The following PPIP5K2 variants were observed in gnomAD, a reference collection of about 807,000 sequenced individuals.
PPIP5K2 encodes inositol hexakisphosphate and diphosphoinositol-pentakisphosphate kinase 2.
Under a neutral mutation model 154.6 loss-of-function variants are expected in PPIP5K2, and 105 were observed. That is an observed-to-expected ratio of 0.68 (90% CI 0.58 to 0.80). The LOEUF (loss-of-function observed/expected upper bound fraction) is 0.80, where lower values mean the gene tolerates loss of function less well. Among genes scored for constraint, PPIP5K2 ranks in the 30% least tolerant of loss-of-function variants. The pLI, the probability that PPIP5K2 is intolerant of heterozygous loss-of-function variation, is 0.00. For missense variants in PPIP5K2, 992 were observed against 1,504.6 expected, an observed-to-expected ratio of 0.66 and a Z score of 5.64; for synonymous variants, 480 against 490.3, an observed-to-expected ratio of 0.98 and a Z score of 0.28.
intron 5 of PPIP5K2, 75 bp downstream of exon 5, chr5:103,138,544 A>G (rs1791978870): frequency 3.4e-6 from 3 of 882,328 alleles, no homozygotes; most frequent in Non-Finnish European, 1.8e-6. Flanking sequence ...ACAATAATTA[A>G]CTGGAAGGAA....
At position 103,211,482 on chromosome 5, in the gene PPIP5K2, A is replaced by G. The variant is rs1298728938; in HGVS notation, c.*9848A>G. On this transcript the variant is annotated 3_prime_UTR_variant, in exon 31 of 31. Transcript: ENST00000358359. ...TTTATCTGCTCAAAAACTCTCACCT[A>G]CTTACTAGATATAGTGTTTGTAATG... is the stretch of plus-strand genomic sequence containing the variant. 6.6e-6 allele frequency: 1 copy of G among 152,052 alleles called. No homozygotes were observed. The highest frequency in any genetic ancestry group is 1.5e-5 in the Non-Finnish European group (1 of 67,954). 9.4% of individuals were successfully genotyped at this position (152,052 alleles called of 1,614,324 possible).
Position 103,187,447 on chromosome 5 carries a change from A to G in PPIP5K2, c.3352+71A>G, listed in dbSNP as rs189845746. 226 of 1,209,252 alleles carry G rather than the reference A, an allele frequency of 1.9e-4. No homozygotes were observed. The African/African-American group carries it at 2.8e-3, about 15-fold the overall frequency. 74.9% of individuals were successfully genotyped at this position (1,209,252 alleles called of 1,614,324 possible). ...TTTTTTATTTTTATTTTATTTCAAA[A>G]TGTGGGGTATACAGTATCATTCATT... On this transcript the variant is annotated intron_variant, in intron 28 of 30. Coordinates refer to ENST00000358359, the MANE Select transcript of PPIP5K2 (RefSeq NM_001276277.3).
chr5:103,197,528 T>C (rs1293159428), intron 30 of PPIP5K2, among the ~76,000 whole-genome samples: 3 of 151,720 alleles, frequency 2.0e-5, no homozygotes, highest in Non-Finnish European at 4.4e-5. Flanking sequence ...AACCAACTTT[T>C]GGCTCTTTGT....
intron 29 of PPIP5K2, among the ~76,000 whole-genome samples, chr5:103,191,906 C>T (rs1367970234): frequency 6.6e-6 from 1 of 151,996 alleles, no homozygotes; most frequent in African/African-American, 2.4e-5. Flanking sequence ...TATCATTCCT[C>T]TTTTTCTGAG....
Position 103,149,253 on chromosome 5 carries a change from C to T in PPIP5K2, c.846C>T (p.Tyr282=). 6.2e-7 allele frequency: 1 copy of T among 1,613,776 alleles called. No homozygotes were observed. The highest frequency in any genetic ancestry group is 1.1e-5 in the South Asian group (1 of 91,050). ...ACAGTGAAGGAAAAGAAGTAAGATA[C>T]CCTGTTATTCTCAATGCACGAGAGA... ...ERDSEGKEVR[Y]PVILNAREKL... is the part of the protein sequence containing the mutation. Residue 282 remains tyrosine, a synonymous_variant, in exon 8 of 31, where the codon TAC becomes TAT. Transcript: ENST00000358359.
intron 17 of PPIP5K2, among the ~76,000 whole-genome samples, chr5:103,166,219 C>T (rs1797095677): frequency 6.6e-6 from 1 of 151,972 alleles, no homozygotes; most frequent in Non-Finnish European, 1.5e-5. Context: ...TTCTGGAGTG[C>T]TAAAAAGCAA....
intron 24 of PPIP5K2, among the ~76,000 whole-genome samples, chr5:103,180,945 G>A (rs184314778): frequency 4.5e-4 from 68 of 151,374 alleles, no homozygotes; most frequent in South Asian, 3.5e-3. Flanking sequence ...ATTCTAAATT[G>A]TTAGCCTAAT....
In PPIP5K2 at chr5:103,158,219, G is replaced by T; in HGVS notation, c.1521G>T (p.Leu507Phe). Residue 507 changes from leucine to phenylalanine, a missense_variant, in exon 15 of 31, where the codon TTG becomes TTT. By Grantham distance (22) the Leu-to-Phe change is conservative. Coordinates refer to ENST00000358359, the MANE Select transcript of PPIP5K2 (RefSeq NM_001276277.3). Reference protein sequence around the residue: ...DSRREEPSLLLVLKWGGELTP... With the variant: ...DSRREEPSLLFVLKWGGELTP... ...GAAGAGAAGAACCATCTTTACTTTT[G>T]GTTCTAAAATGGGGAGGTGAATTAA... 1 of 1,613,680 alleles carries T rather than the reference G, an allele frequency of 6.2e-7. No individual in the cohort carries two copies. The highest frequency in any genetic ancestry group is 8.5e-7 in the Non-Finnish European group (1 of 1,179,622).
intron 29 of PPIP5K2, among the ~76,000 whole-genome samples, chr5:103,191,932 T>G (rs1298251893): frequency 6.6e-6 from 1 of 152,080 alleles, no homozygotes; most frequent in African/African-American, 2.4e-5. Context: ...TAAATAAATT[T>G]TGCTCAATAA....
intron 13 of PPIP5K2, among the ~76,000 whole-genome samples, chr5:103,155,661 A>C (rs987685653): frequency 5.9e-5 from 9 of 151,310 alleles, no homozygotes; most frequent in Non-Finnish European, 1.2e-4. Context: ...CCTGACCTCA[A>C]GTCATCCACT....
At chr5:103,147,829 T>C in intron 6 of PPIP5K2, 102 bp from the exon 7 acceptor site, 1 of 707,656 alleles carries the variant, frequency 1.4e-6, no homozygotes, top group South Asian at 2.1e-5. Context: ...TTTGAAAATG[T>C]CTAAGATGGA....
intron 14 of PPIP5K2, among the ~76,000 whole-genome samples, chr5:103,157,853 A>G (rs1458541789): frequency 2.6e-5 from 4 of 152,242 alleles, no homozygotes; most frequent in African/African-American, 9.6e-5. Context: ...GACATAGCAC[A>G]ACTAAATTAA....
chr5:103,193,292 TA>T (rs1554227458), intron 29 of PPIP5K2, among the ~76,000 whole-genome samples: 1 of 152,094 alleles, frequency 6.6e-6, no homozygotes, highest in African/African-American at 2.4e-5. Flanking sequence ...TACTATTTAT[TA>T]AATTATAGGA....
chr5:103,129,230 T>C (rs1457187589), intron 1 of PPIP5K2, 76 bp from the exon 2 acceptor site: 2 of 154,556 alleles, frequency 1.3e-5, no homozygotes, highest in African/African-American at 4.8e-5. Flanking sequence ...ATTTTACAAG[T>C]GTCATTAAAA....
chr5:103,196,682 T>C (rs1802132047), intron 30 of PPIP5K2, among the ~76,000 whole-genome samples: 1 of 152,154 alleles, frequency 6.6e-6, no homozygotes, highest in Non-Finnish European at 1.5e-5. Flanking sequence ...TTTAGACACA[T>C]AATAAATGCA....
intron 24 of PPIP5K2, among the ~76,000 whole-genome samples, chr5:103,182,895 A>G (rs1400524197): frequency 2.0e-5 from 3 of 152,142 alleles, no homozygotes; most frequent in African/African-American, 7.2e-5. Context: ...TGCTAAAAAA[A>G]GAAACTTACT....
chr5:103,133,404 T>G, intron 2 of PPIP5K2, 49 bp from the exon 3 acceptor site: 1 of 1,516,674 alleles, frequency 6.6e-7, no homozygotes, highest in Non-Finnish European at 9.0e-7. Context: ...AGCTGTACTT[T>G]GGAGTTCATG....
chr5:103,152,070 A>ATTTCAGAC (rs1794721013), intron 9 of PPIP5K2, among the ~76,000 whole-genome samples: 1 of 151,978 alleles, frequency 6.6e-6, no homozygotes, highest in Non-Finnish European at 1.5e-5. Flanking sequence ...AGTGTTTTGG[A>ATTTCAGAC]TTTCAGATTT....
chr5:103,122,152 G>C (rs529395971), intron 1 of PPIP5K2, among the ~76,000 whole-genome samples: 4 of 152,252 alleles, frequency 2.6e-5, no homozygotes, highest in African/African-American at 9.6e-5. Context: ...TGAGTATAAT[G>C]GTGGGCATAT....
Sources: allele counts gnomAD v4.1 joint callset (sites outside exome capture counted in the v4.1 genomes callset), GRCh38; gene constraint gnomAD v4.1.1; transcripts MANE v1.5; gene names NCBI Gene and HGNC (gene_info 2026-07-23, HGNC 2026-07-21).